FSTL4: variants seen among roughly 807,000 people sequenced by gnomAD.
FSTL4 encodes the protein follistatin like 4.
In FSTL4, 28 loss-of-function variants were observed where a neutral mutation model predicts 78.2. That is an observed-to-expected ratio of 0.36 (90% CI 0.27 to 0.49). FSTL4 has a LOEUF of 0.49. Among genes scored for constraint, FSTL4 ranks in the 20% least tolerant of loss-of-function variants. The pLI, the probability that FSTL4 is intolerant of heterozygous loss-of-function variation, is 0.98. For missense variants in FSTL4, 922 were observed against 1,084.9 expected (o/e 0.85, Z 2.11); for synonymous variants, 422 against 440.5 (o/e 0.96, Z 0.53).
chr5:133,391,039 T>C (rs700715), intron 4 of FSTL4, among the ~76,000 whole-genome samples: 100,026 of 152,084 alleles, frequency 0.66, 33,250 homozygotes, highest in East Asian at 0.88. Context: ...AGGGATCCCA[T>C]ATCTAGAAAA....
chr5:133,285,583 C>T (rs543347518), intron 6 of FSTL4, among the ~76,000 whole-genome samples: 1 of 152,326 alleles, frequency 6.6e-6, no homozygotes, highest in Non-Finnish European at 1.5e-5. Flanking sequence ...CCTGTTTCCT[C>T]CAAGGCCAAG....
chr5:133,626,693 T>C, the FSTL4 span, among the ~76,000 whole-genome samples: 2 of 152,118 alleles, frequency 1.3e-5, no homozygotes, highest in Admixed American at 1.3e-4. Context: ...TTTGGAAATT[T>C]TCCTGTACCT....
At chr5:133,218,987 G>A (rs1376296438) in intron 12 of FSTL4, among the ~76,000 whole-genome samples, 1 of 152,204 alleles carries the variant, frequency 6.6e-6, no homozygotes, top group African/African-American at 2.4e-5. Context: ...CAGAATAAAT[G>A]AGTGTAAAAG....
chr5:133,216,305 T>G (rs1006663405), intron 13 of FSTL4, among the ~76,000 whole-genome samples: 11 of 152,188 alleles, frequency 7.2e-5, no homozygotes, highest in South Asian at 2.1e-4. Flanking sequence ...CTTCCTGTTC[T>G]TTTGAGACAG....
At chr5:133,755,113 C>G in the FSTL4 span, among the ~76,000 whole-genome samples, 3 of 152,274 alleles carry the variant, frequency 2.0e-5, no homozygotes, top group Admixed American at 2.0e-4. Context: ...TCGTTGCCAA[C>G]TCCATGGAAA....
intron 4 of FSTL4, among the ~76,000 whole-genome samples, chr5:133,377,897 T>A (rs1237657246): frequency 1.4e-5 from 2 of 140,968 alleles, no homozygotes. Flanking sequence ...GCAGCAACAA[T>A]TTTTTTTTTT....
the FSTL4 span, among the ~76,000 whole-genome samples, chr5:133,787,669 G>A: frequency 0.034 from 5,194 of 151,970 alleles, 250 homozygotes; most frequent in African/African-American, 0.11. Flanking sequence ...CAAACTCCAG[G>A]GCAAGCCAAA....
At chr5:133,485,356 G>C (rs1401512741) in intron 3 of FSTL4, among the ~76,000 whole-genome samples, 3 of 152,198 alleles carry the variant, frequency 2.0e-5, no homozygotes, top group African/African-American at 7.2e-5. Context: ...ACCCTTTATG[G>C]GCAGGTAATG....
At chr5:133,444,226 G>A (rs112386125) in intron 3 of FSTL4, among the ~76,000 whole-genome samples, 1,885 of 152,334 alleles carry the variant, frequency 0.012, 31 homozygotes, top group African/African-American at 0.043. Flanking sequence ...AGATAGGTAG[G>A]CACCTTCTTG....
chr5:133,471,720 A>G (rs1300282449), intron 3 of FSTL4, among the ~76,000 whole-genome samples: 1 of 152,230 alleles, frequency 6.6e-6, no homozygotes, highest in Non-Finnish European at 1.5e-5. Flanking sequence ...TGATCCTAAT[A>G]GCTTCCAGAT....
the FSTL4 span, among the ~76,000 whole-genome samples, chr5:133,752,899 G>A: frequency 5.5e-4 from 83 of 152,150 alleles, no homozygotes; most frequent in African/African-American, 1.9e-3. Flanking sequence ...ATTTTCTTGC[G>A]CTCTGAGCCC....
chr5:133,802,392 A>G, the FSTL4 span, among the ~76,000 whole-genome samples: 1 of 152,230 alleles, frequency 6.6e-6, no homozygotes, highest in Admixed American at 6.6e-5. Flanking sequence ...TTATCTTCAG[A>G]CACAGTATCC....
At chr5:133,316,387 C>T in intron 5 of FSTL4, 72 bp downstream of exon 5, 1 of 1,218,988 alleles carries the variant, frequency 8.2e-7, no homozygotes. Flanking sequence ...CTCTTAGACA[C>T]CAGGGGGCCG....
At chr5:133,422,313 G>C (rs985618620) in intron 3 of FSTL4, among the ~76,000 whole-genome samples, 2 of 152,080 alleles carry the variant, frequency 1.3e-5, no homozygotes. Flanking sequence ...GCTGGCTGCT[G>C]GGTGGAGGAT....
At chr5:133,753,685 G>A in the FSTL4 span, among the ~76,000 whole-genome samples, 19 of 28,714 alleles carry the variant, frequency 6.6e-4, no homozygotes, top group Middle Eastern at 0.015. Flanking sequence ...CATTTGTTCT[G>A]TGTGTGTGTG....
intron 4 of FSTL4, among the ~76,000 whole-genome samples, chr5:133,347,925 C>T (rs1389126421): frequency 6.6e-6 from 1 of 152,160 alleles, no homozygotes; most frequent in Admixed American, 6.5e-5. Context: ...CCAGGAAGAA[C>T]CTGAGAGACT....
chr5:133,255,327 C>T (rs894154558), intron 6 of FSTL4, among the ~76,000 whole-genome samples: 12 of 152,216 alleles, frequency 7.9e-5, no homozygotes, highest in African/African-American at 2.4e-4. Context: ...GAGGGACTGA[C>T]GCCCTGCTAT....
intron 6 of FSTL4, among the ~76,000 whole-genome samples, chr5:133,277,146 T>TA (rs1752901962): frequency 6.6e-6 from 1 of 152,100 alleles, no homozygotes; most frequent in South Asian, 2.1e-4. Flanking sequence ...ACCCTGTCTC[T>TA]ACTAAAAATG....
intron 4 of FSTL4, among the ~76,000 whole-genome samples, chr5:133,381,111 T>TATG (rs1755557110): frequency 1.3e-5 from 2 of 152,022 alleles, no homozygotes; most frequent in Admixed American, 1.3e-4. Flanking sequence ...TGGGAAAGAG[T>TATG]ATGGTGATAT....
Sources: allele counts gnomAD v4.1 joint callset (sites outside exome capture counted in the v4.1 genomes callset), GRCh38; gene constraint gnomAD v4.1.1; transcripts MANE v1.5; gene names NCBI Gene and HGNC (gene_info 2026-07-23, HGNC 2026-07-21).